The following ATL1 variants were observed in gnomAD, a reference collection of about 807,000 sequenced individuals.
ATL1 encodes atlastin GTPase 1.
ATL1 carries 31 observed loss-of-function variants against 75.5 expected under a neutral mutation model. The observed-to-expected ratio is 0.41, with a 90% CI of 0.31 to 0.55. The LOEUF (loss-of-function observed/expected upper bound fraction) is 0.55. Ranked by LOEUF, ATL1 falls within the 20% of genes least tolerant of loss-of-function variation. ATL1 has a pLI of 0.27. For missense variants in ATL1, 405 were observed against 662.6 expected, an observed-to-expected ratio of 0.61 and a Z score of 4.27; for synonymous variants, 226 against 233.3, an observed-to-expected ratio of 0.97 and a Z score of 0.28.
At chr14:50,609,958 A>G (rs896743495) in intron 6 of ATL1, among the ~76,000 whole-genome samples, 2 of 151,950 alleles carry the variant, frequency 1.3e-5, no homozygotes, top group Non-Finnish European at 2.9e-5. Context: ...CTAAATAAAT[A>G]TTCACTTTCA....
chr14:50,534,396 T>G (rs578108044), intron 1 of ATL1, among the ~76,000 whole-genome samples: 9 of 152,360 alleles, frequency 5.9e-5, no homozygotes, highest in Non-Finnish European at 1.3e-4. Context: ...GAGGCATATA[T>G]TTTCCTAATG....
Position 50,618,528 on chromosome 14 carries a change from AAAAT to A in ATL1, c.863-2068_863-2065del, listed in dbSNP as rs920196162. 6.0e-4 allele frequency among the ~76,000 whole-genome samples: 91 copies of A among 152,216 alleles called. 3 individuals carry two copies. The highest frequency in any genetic ancestry group is 2.9e-5 in the Non-Finnish European group (2 of 68,036). On this transcript the variant is annotated intron_variant, in intron 8 of 13. Transcript: ENST00000358385. ...TTCAAAGTGGCACAAAACATGAAACAAAATAACTTGGAAAGATATCCAGCATCAT... is the reference window on the plus strand; with the variant it reads ...TTCAAAGTGGCACAAAACATGAAACAAACTTGGAAAGATATCCAGCATCAT...
At chr14:50,589,631 A>G (rs1462795000) in intron 2 of ATL1, among the ~76,000 whole-genome samples, 3 of 152,340 alleles carry the variant, frequency 2.0e-5, no homozygotes, top group South Asian at 2.1e-4. Flanking sequence ...TAATATATGT[A>G]TTAAACAGAG....
chr14:50,615,683 G>A (rs1366050149), intron 8 of ATL1, among the ~76,000 whole-genome samples: 1 of 152,210 alleles, frequency 6.6e-6, no homozygotes, highest in East Asian at 1.9e-4. Context: ...CAACCCACTA[G>A]TGGATGCAGA....
At chr14:50,564,647 C>CAAAAAAAAAAAAAAAA (rs60054322) in intron 1 of ATL1, among the ~76,000 whole-genome samples, 18 of 40,006 alleles carry the variant, frequency 4.5e-4, no homozygotes, top group African/African-American at 1.4e-3. Context: ...GATTCCGTCT[C>CAAAAAAAAAAAAAAAA]AAAAAAAAAA....
At chr14:50,563,110 A>G (rs2038867740) in intron 1 of ATL1, among the ~76,000 whole-genome samples, 1 of 152,188 alleles carries the variant, frequency 6.6e-6, no homozygotes, top group African/African-American at 2.4e-5. Context: ...CTTCTGTATT[A>G]TATTATAGAA....
At chr14:50,537,318 T>G (rs190974736) in intron 1 of ATL1, among the ~76,000 whole-genome samples, 1 of 152,314 alleles carries the variant, frequency 6.6e-6, no homozygotes, top group Non-Finnish European at 1.5e-5. Flanking sequence ...TTGGGAATCT[T>G]TGCCTAGATT....
chr14:50,614,567 AT>A (rs2039396746), intron 8 of ATL1, 56 bp downstream of exon 8: 1 of 1,556,168 alleles, frequency 6.4e-7, no homozygotes, highest in Non-Finnish European at 8.8e-7. Context: ...TAAAAATGTC[AT>A]TTTATCTATT....
chr14:50,606,475 G>A (rs1050334560), intron 6 of ATL1, among the ~76,000 whole-genome samples: 1 of 151,784 alleles, frequency 6.6e-6, no homozygotes, highest in Non-Finnish European at 1.5e-5. Flanking sequence ...GCAAGCAGAG[G>A]CTAGGACAGA....
chr14:50,560,072 T>G, upstream of ATL1: 2 of 642,968 alleles, frequency 3.1e-6, no homozygotes, highest in Non-Finnish European at 5.5e-6. Context: ...CTTGTGATGC[T>G]GAGCTTGGTT....
At chr14:50,617,917 A>G (rs1268318000) in intron 8 of ATL1, among the ~76,000 whole-genome samples, 1 of 152,216 alleles carries the variant, frequency 6.6e-6, no homozygotes, top group Non-Finnish European at 1.5e-5. Context: ...TCTGAATCCA[A>G]AATTGGAATA....
chr14:50,628,360 G>A lies in ATL1; in HGVS notation c.1449G>A (p.Leu483=), dbSNP rs371411344. 3.7e-6 allele frequency: 6 copies of A among 1,614,070 alleles called. No homozygotes were observed. The highest frequency in any genetic ancestry group is 1.3e-5 in the African/African-American group (1 of 75,038). Residue 483 remains leucine, a synonymous_variant, in exon 12 of 14, where the codon CTG becomes CTA. Coordinates refer to ENST00000358385, the MANE Select transcript of ATL1 (RefSeq NM_015915.5). ...GCCTATGCAATATGATAATGGGACT[G>A]ACCCTTATCACCCTGTGCACTTGGG... ...IASLCNMIMG[L]TLITLCTWAY...
chr14:50,593,393 T>A (rs77568184), intron 4 of ATL1, among the ~76,000 whole-genome samples: 3,311 of 152,258 alleles, frequency 0.022, 106 homozygotes, highest in African/African-American at 0.074. Flanking sequence ...TATATAAGGA[T>A]GTGAGCATGA....
chr14:50,610,411 A>G (rs2039354836), intron 6 of ATL1, among the ~76,000 whole-genome samples: 1 of 152,126 alleles, frequency 6.6e-6, no homozygotes, highest in African/African-American at 2.4e-5. Flanking sequence ...TTAATTAACT[A>G]TGAAAGCAAC....
chr14:50,595,782 T>C, intron 6 of ATL1, 150 bp downstream of exon 6: 1 of 660,608 alleles, frequency 1.5e-6, no homozygotes, highest in Non-Finnish European at 2.6e-6. Context: ...CAATATAGAA[T>C]GAGATGGAAA....
At chr14:50,607,017 A>G (rs2039322063) in intron 6 of ATL1, among the ~76,000 whole-genome samples, 1 of 152,108 alleles carries the variant, frequency 6.6e-6, no homozygotes, top group South Asian at 2.1e-4. Context: ...ATAAAGACCT[A>G]TATGGTTACA....
chr14:50,572,288 T>A (rs1431167377), intron 1 of ATL1: 2 of 204,506 alleles, frequency 9.8e-6, no homozygotes, highest in Non-Finnish European at 2.0e-5. Flanking sequence ...CTGTAAGAAT[T>A]CATGTAAGAT....
chr14:50,560,519 C>T, intron 1 of ATL1: 1 of 605,808 alleles, frequency 1.7e-6, no homozygotes, highest in South Asian at 1.9e-5. Context: ...TGCAGCTTCG[C>T]GCAGGCCGGG....
At chr14:50,597,770 CT>C (rs2039234570) in intron 6 of ATL1, among the ~76,000 whole-genome samples, 3 of 152,138 alleles carry the variant, frequency 2.0e-5, no homozygotes, top group Non-Finnish European at 1.5e-5. Context: ...TCTCGGCTCA[CT>C]GCAAGCTCCA....
Sources: allele counts gnomAD v4.1 joint callset (sites outside exome capture counted in the v4.1 genomes callset), GRCh38; gene constraint gnomAD v4.1.1; transcripts MANE v1.5; gene names NCBI Gene and HGNC (gene_info 2026-07-23, HGNC 2026-07-21).